WWOX: variants seen among roughly 807,000 people sequenced by gnomAD.
WWOX encodes WW domain containing oxidoreductase.
A neutral mutation model predicts 46.2 loss-of-function variants in WWOX; 69 were observed. The observed-to-expected ratio is 1.49, with a 90% confidence interval of 1.23 to 1.82. The LOEUF (loss-of-function observed/expected upper bound fraction) is 1.82. WWOX is among the 40% of genes most tolerant of loss of function. The probability of loss-of-function intolerance (pLI) is 0.00; values close to 1 mark genes in which losing one functional copy is unlikely to be tolerated. For missense variants in WWOX, 919 were observed against 542.6 expected, an observed-to-expected ratio of 1.69 and a Z score of -6.89; for synonymous variants, 359 against 202.6, an observed-to-expected ratio of 1.77 and a Z score of -6.56.
intron 8 of WWOX, among the ~76,000 whole-genome samples, chr16:78,971,934 C>T (rs1034140788): frequency 3.3e-5 from 5 of 152,150 alleles, no homozygotes; most frequent in African/African-American, 7.2e-5. Context: ...GAGGATCCAT[C>T]GGGAGCCTCA....
chr16:78,876,322 CCTTT>C (rs759063265), intron 8 of WWOX, among the ~76,000 whole-genome samples: 6 of 151,834 alleles, frequency 4.0e-5, no homozygotes, highest in Admixed American at 2.0e-4. Context: ...ATGGCCATGC[CCTTT>C]CTTCTGCACT....
chr16:78,683,546 A>AAT (rs994990337), intron 8 of WWOX, among the ~76,000 whole-genome samples: 6 of 92,986 alleles, frequency 6.5e-5, no homozygotes, highest in African/African-American at 1.3e-4. Flanking sequence ...TCTCAAAAAA[A>AAT]AATAATAAAA....
At chr16:78,109,745 G>T (rs1376184786) in intron 2 of WWOX, 33 bp from the exon 3 acceptor site, 1 of 1,613,224 alleles carries the variant, frequency 6.2e-7, no homozygotes, top group African/African-American at 1.3e-5. Flanking sequence ...ACTTCTCCCT[G>T]GCACCTGTAG....
chr16:78,991,488 C>G (rs533675950), intron 8 of WWOX, among the ~76,000 whole-genome samples: 1 of 150,850 alleles, frequency 6.6e-6, no homozygotes, highest in Non-Finnish European at 1.5e-5. Context: ...GTAGTCCCAG[C>G]TACTCAGGAG....
At chr16:78,741,824 C>T (rs2049235237) in intron 8 of WWOX, among the ~76,000 whole-genome samples, 2 of 152,214 alleles carry the variant, frequency 1.3e-5, no homozygotes, top group South Asian at 4.1e-4. Flanking sequence ...CACTACACTC[C>T]AGCCTGGGCG....
chr16:78,990,389 C>T (rs1765010443), intron 8 of WWOX, among the ~76,000 whole-genome samples: 1 of 152,140 alleles, frequency 6.6e-6, no homozygotes. Flanking sequence ...CTCAACTGTT[C>T]TCTGCACGAC....
At chr16:78,358,211 A>G (rs2081337839) in intron 5 of WWOX, among the ~76,000 whole-genome samples, 1 of 152,268 alleles carries the variant, frequency 6.6e-6, no homozygotes, top group African/African-American at 2.4e-5. Context: ...AACCTCTTGT[A>G]TTTACAAAAA....
chr16:78,556,569 C>G (rs989671658), intron 8 of WWOX, among the ~76,000 whole-genome samples: 1 of 152,138 alleles, frequency 6.6e-6, no homozygotes, highest in Non-Finnish European at 1.5e-5. Flanking sequence ...TCAATCGCAG[C>G]TGGACCGGCG....
At chr16:78,388,456 G>A (rs2082105599) in intron 6 of WWOX, among the ~76,000 whole-genome samples, 1 of 151,890 alleles carries the variant, frequency 6.6e-6, no homozygotes, top group South Asian at 2.1e-4. Flanking sequence ...GACCATCCTG[G>A]CCAACATTGT....
intron 7 of WWOX, among the ~76,000 whole-genome samples, chr16:78,430,027 A>G (rs767744736): frequency 1.3e-5 from 2 of 152,222 alleles, no homozygotes; most frequent in Non-Finnish European, 2.9e-5. Flanking sequence ...TAAGAAAGAC[A>G]TACCCGAGAC....
chr16:78,945,657 GT>G (rs2045934799), intron 8 of WWOX, among the ~76,000 whole-genome samples: 1 of 151,524 alleles, frequency 6.6e-6, no homozygotes, highest in African/African-American at 2.4e-5. Context: ...TTTTTTTTAA[GT>G]TGGCATCTTT....
At chr16:78,969,850 T>A (rs979222577) in intron 8 of WWOX, among the ~76,000 whole-genome samples, 4 of 152,062 alleles carry the variant, frequency 2.6e-5, no homozygotes, top group Non-Finnish European at 5.9e-5. Context: ...GGATGGGGCG[T>A]GGATGGAGGC....
chr16:78,494,667 G>T (rs1168888287), intron 8 of WWOX, among the ~76,000 whole-genome samples: 2 of 152,104 alleles, frequency 1.3e-5, no homozygotes, highest in African/African-American at 4.8e-5. Flanking sequence ...CATGGTTCTG[G>T]CTTAATGGAC....
chr16:78,615,185 T>G (rs192853281), intron 8 of WWOX, among the ~76,000 whole-genome samples: 99 of 152,318 alleles, frequency 6.5e-4, no homozygotes, highest in Non-Finnish European at 1.2e-3. Flanking sequence ...GTAAGCTAAG[T>G]AATAACATTC....
intron 6 of WWOX, among the ~76,000 whole-genome samples, chr16:78,422,818 TAC>T (rs751244748): frequency 0.025 from 3,013 of 120,220 alleles, 77 homozygotes; most frequent in Non-Finnish European, 0.031. Flanking sequence ...CACATATATA[TAC>T]ACACACATAT....
intron 5 of WWOX, among the ~76,000 whole-genome samples, chr16:78,206,361 G>A (rs2036396190): frequency 6.6e-6 from 1 of 152,110 alleles, no homozygotes; most frequent in African/African-American, 2.4e-5. Context: ...CATTAGAAAG[G>A]AGGAGGAGAA....
intron 8 of WWOX, among the ~76,000 whole-genome samples, chr16:79,112,181 C>A (rs184685222): frequency 1.7e-3 from 262 of 152,184 alleles, no homozygotes; most frequent in Middle Eastern, 6.8e-3. Context: ...ATAATTAATT[C>A]TTCTTTCTTT....
chr16:78,723,522 A>C (rs867339361), intron 8 of WWOX, among the ~76,000 whole-genome samples: 1 of 97,852 alleles, frequency 1.0e-5, no homozygotes, highest in Non-Finnish European at 2.2e-5. Context: ...ACCTTCTTCT[A>C]CTCCCACACT....
At chr16:78,847,649 A>G (rs933373457) in intron 8 of WWOX, among the ~76,000 whole-genome samples, 1 of 151,968 alleles carries the variant, frequency 6.6e-6, no homozygotes, top group Non-Finnish European at 1.5e-5. Flanking sequence ...TGAGTTCATT[A>G]TTCTGAGCTT....
Sources: gnomAD v4.1 joint callset for allele counts (sites outside exome capture counted in the v4.1 genomes callset) on GRCh38, gnomAD v4.1.1 for gene constraint, MANE v1.5 for transcripts, NCBI Gene and HGNC (gene_info 2026-07-23, HGNC 2026-07-21) for gene names.